The following YY1 variants were observed in gnomAD, a reference collection of about 807,000 sequenced individuals.
YY1 encodes the protein transcriptional repressor protein YY1.
A neutral mutation model predicts 35.6 loss-of-function variants in YY1; 2 were observed. The observed-to-expected ratio is 0.06, with a 90% CI of 0.02 to 0.18. The LOEUF is 0.18. YY1 is among the 10% of genes least tolerant of loss of function. The pLI is 1.00. For missense variants in YY1, 322 were observed against 573.4 expected, an observed-to-expected ratio of 0.56 and a Z score of 4.48; for synonymous variants, 268 against 238.9, an observed-to-expected ratio of 1.12 and a Z score of -1.12.
rs1891334609 is a variant in YY1, at chr14:100,277,227, T to C, written c.1063-191T>C. 5 of 693,148 alleles carry C rather than the reference T, an allele frequency of 7.2e-6. No homozygotes were observed. Among genetic ancestry groups the C allele is most frequent in the Non-Finnish European group, 1.3e-5 (5 of 398,186 alleles). 42.9% of individuals were successfully genotyped at this position (693,148 alleles called of 1,614,324 possible). A position where few individuals can be genotyped will look rare whatever the true frequency, so the allele number is the denominator to read the frequency against. The stretch of plus-strand genomic sequence containing the variant: ...AGTGTTTTAAACAGTTCGTGAGGGC[T>C]CTCCTTGGGTTTTCGGGGTTGTCCA... On this transcript the variant is annotated intron_variant, in intron 4 of 4. Coordinates refer to ENST00000262238, the MANE Select transcript of YY1 (RefSeq NM_003403.5). This position sits in a 1 kb window ranked among gnomAD's most constrained non-coding sequence, Gnocchi z 5.6.
At chr14:100,258,756 G>C (rs766537569) in intron 1 of YY1, among the ~76,000 whole-genome samples, 1 of 152,224 alleles carries the variant, frequency 6.6e-6, no homozygotes, top group Non-Finnish European at 1.5e-5. Flanking sequence ...AAAAATCTGT[G>C]ATTCCTTGTA....
intron 1 of YY1, among the ~76,000 whole-genome samples, chr14:100,256,654 GA>G (rs1487548857): frequency 6.6e-6 from 1 of 152,192 alleles, no homozygotes; most frequent in Non-Finnish European, 1.5e-5. Context: ...AATTCATAGA[GA>G]CAGAAAGTAG....
rs1301294348 is a variant in YY1 at position 100,254,939 on chromosome 14, A to ATTT, written c.680-7365_680-7364insTTT. Among the ~76,000 whole-genome samples, 3 of 29,362 alleles carry ATTT rather than the reference A, an allele frequency of 1.0e-4. No individual in the cohort carries two copies. The South Asian group carries it at 7.7e-3, about 75-fold the overall frequency. 19.3% of individuals were successfully genotyped at this position (29,362 alleles called of 152,430 possible). A position where few individuals can be genotyped will look rare whatever the true frequency, so the allele number is the denominator to read the frequency against. On this transcript the variant is annotated intron_variant, in intron 1 of 4. Transcript: ENST00000262238. The stretch of plus-strand genomic sequence containing the variant: ...CAAGCGCCCGCCACCACGCCCAGCT[A>ATTT]ATTTTTTTTTTTTTTTTTTTTTTTT...
intron 1 of YY1, among the ~76,000 whole-genome samples, chr14:100,256,310 C>T (rs777849939): frequency 1.3e-5 from 2 of 152,182 alleles, no homozygotes; most frequent in Non-Finnish European, 2.9e-5. Flanking sequence ...AAATCTTCTG[C>T]ACATCATCTC....
chr14:100,239,493 G>A lies in YY1; in HGVS notation c.249G>A (p.Met83Ile). Residue 83 changes from methionine to isoleucine, a missense_variant, in exon 1 of 5, where the codon ATG becomes ATA. Transcript: ENST00000262238. ...ATCACCACCACCACCACCCGCCCAT[G>A]ATCGCTCTGCAGCCGCTGGTCACCG... ...HHHHHHHHPP[M>I]IALQPLVTDD... is the part of the protein sequence containing the mutation. 6.2e-7 allele frequency: 1 copy of A among 1,609,326 alleles called. No individual in the cohort carries two copies. The highest frequency in any genetic ancestry group is 8.5e-7 in the Non-Finnish European group (1 of 1,178,940).
chr14:100,244,319 AC>A (rs1566768595), intron 1 of YY1, among the ~76,000 whole-genome samples: 1 of 76,634 alleles, frequency 1.3e-5, no homozygotes, highest in African/African-American at 5.1e-5. Flanking sequence ...TTCCTTTTTT[AC>A]TTTTTTTTTT....
chr14:100,276,843 G>C lies in YY1; in HGVS notation c.1062+195G>C. The C allele has an allele frequency of 1.5e-6, 1 of 682,026 alleles. No individual in the cohort carries two copies. The highest frequency in any genetic ancestry group is 2.8e-5 in the East Asian group (1 of 36,068). 42.2% of individuals were successfully genotyped at this position (682,026 alleles called of 1,614,324 possible). Reference sequence around the variant, plus strand: ...CTCTGGACATCCTTGTCTATACTCTGTGGTACTGGGTACGCAATGTATTGG... The same window carrying C: ...CTCTGGACATCCTTGTCTATACTCTCTGGTACTGGGTACGCAATGTATTGG... On this transcript the variant is annotated intron_variant, in intron 4 of 4. Transcript: ENST00000262238. This position sits in a 1 kb window ranked among gnomAD's most constrained non-coding sequence, Gnocchi z 4.1.
intron 2 of YY1, among the ~76,000 whole-genome samples, chr14:100,266,594 T>A (rs1456213787): frequency 6.6e-6 from 1 of 151,936 alleles, no homozygotes; most frequent in Non-Finnish European, 1.5e-5. Flanking sequence ...TAGACCATAC[T>A]CCTTAAGAAA....
At chr14:100,255,393 C>T (rs1043945652) in intron 1 of YY1, among the ~76,000 whole-genome samples, 3 of 151,938 alleles carry the variant, frequency 2.0e-5, no homozygotes, top group Non-Finnish European at 2.9e-5. Context: ...CTGAGGTGGG[C>T]GGATCACCTG....
In YY1 at chr14:100,276,423, G is replaced by A. The variant is rs1407669513; in HGVS notation, c.904-67G>A. ...TTGTTTTAATATGTCAGTAAAGGCTGTTAAATGGTTGAATCCTTTCTAACA... is the reference window on the plus strand; with the variant it reads ...TTGTTTTAATATGTCAGTAAAGGCTATTAAATGGTTGAATCCTTTCTAACA... On this transcript the variant is annotated intron_variant, in intron 3 of 4. Transcript: ENST00000262238. The surrounding 1 kb of genome is among the most constrained non-coding windows in gnomAD (Gnocchi z 4.1). 16 of 1,612,172 alleles carry A rather than the reference G, an allele frequency of 9.9e-6. No individual in the cohort carries two copies. Among genetic ancestry groups the A allele is most frequent in the Non-Finnish European group, 1.3e-5 (15 of 1,178,598 alleles).
At chr14:100,269,003 C>T (rs1323391221) in intron 2 of YY1, among the ~76,000 whole-genome samples, 1 of 152,230 alleles carries the variant, frequency 6.6e-6, no homozygotes, top group Non-Finnish European at 1.5e-5. Context: ...TTACAACGTT[C>T]TTCCCACATA....
At chr14:100,248,679 C>CTTTTTTTTT (rs11415073) in intron 1 of YY1, among the ~76,000 whole-genome samples, 4 of 105,012 alleles carry the variant, frequency 3.8e-5, no homozygotes, top group African/African-American at 1.1e-4. Context: ...GAGTAAAATT[C>CTTTTTTTTT]TTTTTTTTTT....
chr14:100,273,794 A>AC (rs1394708074), intron 2 of YY1, among the ~76,000 whole-genome samples: 2 of 151,796 alleles, frequency 1.3e-5, no homozygotes, highest in Non-Finnish European at 2.9e-5. Context: ...TTAATTTCTC[A>AC]CCCCCCTACC....
intron 1 of YY1, among the ~76,000 whole-genome samples, chr14:100,252,972 G>A (rs1431481178): frequency 6.6e-6 from 1 of 152,168 alleles, no homozygotes; most frequent in Non-Finnish European, 1.5e-5. Context: ...GAGCTAGGGA[G>A]GTTGAGGCTG....
At chr14:100,260,115 T>A (rs1465175031) in intron 1 of YY1, among the ~76,000 whole-genome samples, 4 of 152,126 alleles carry the variant, frequency 2.6e-5, no homozygotes, top group Admixed American at 2.6e-4. Flanking sequence ...GACGGGGTCT[T>A]GCTCTGTTGC....
chr14:100,265,072 T>C (rs1038865315), intron 2 of YY1, among the ~76,000 whole-genome samples: 1 of 151,638 alleles, frequency 6.6e-6, no homozygotes, highest in Non-Finnish European at 1.5e-5. Context: ...AGAGCAAAAT[T>C]GTCTCTAAAA....
intron 1 of YY1, among the ~76,000 whole-genome samples, chr14:100,260,771 C>CTTTTTTTTTTTTTTTTTTTTTTTTTTTTT: frequency 2.3e-5 from 1 of 42,568 alleles, no homozygotes; most frequent in African/African-American, 9.2e-5. Flanking sequence ...GTGCCTGGTC[C>CTTTTTTTTTTTTTTTTTTTTTTTTTTTTT]TTTTTTTTTT....
At chr14:100,240,124 A>C (rs992185023) in intron 1 of YY1, among the ~76,000 whole-genome samples, 10 of 138,844 alleles carry the variant, frequency 7.2e-5, no homozygotes, top group African/African-American at 2.1e-4. Context: ...CGCGGGGGGG[A>C]GGGGCCGGCG....
At position 100,269,665 on chromosome 14, in the gene YY1, C is replaced by T. The variant is rs141942528; in HGVS notation, c.843-5033C>T. Among the ~76,000 whole-genome samples the T allele has an allele frequency of 3.3e-5, 5 of 152,096 alleles. No individual in the cohort carries two copies. In the East Asian group the frequency reaches 9.7e-4, roughly 29 times the overall value. ...CATTCAAATAAAATCTTAAAAGTACCAACGTATACTGCTGCATTTGCCACT... is the reference window on the plus strand; with the variant it reads ...CATTCAAATAAAATCTTAAAAGTACTAACGTATACTGCTGCATTTGCCACT... On this transcript the variant is annotated intron_variant, in intron 2 of 4. Coordinates refer to ENST00000262238, the MANE Select transcript of YY1 (RefSeq NM_003403.5).
Sources: allele counts gnomAD v4.1 joint callset (sites outside exome capture counted in the v4.1 genomes callset), GRCh38; gene constraint gnomAD v4.1.1; non-coding constraint Gnocchi (gnomAD v3.1); transcripts MANE v1.5; gene names NCBI Gene and HGNC (gene_info 2026-07-23, HGNC 2026-07-21).